MMS22L: variants seen among roughly 807,000 people sequenced by gnomAD.
MMS22L encodes MMS22 like, DNA repair protein.
Under a neutral mutation model 159.1 loss-of-function variants are expected in MMS22L, and 74 were observed. The ratio of observed to expected loss-of-function variants is 0.47; its 90% CI spans 0.39 to 0.56. The LOEUF (loss-of-function observed/expected upper bound fraction) is 0.56, where lower values mean the gene tolerates loss of function less well. MMS22L is among the 20% of genes least tolerant of loss of function. The probability of loss-of-function intolerance (pLI) is 0.00; values close to 1 mark genes in which losing one functional copy is unlikely to be tolerated. For missense variants in MMS22L, 1,351 were observed against 1,422.1 expected, an observed-to-expected ratio of 0.95 and a Z score of 0.80; for synonymous variants, 517 against 506.9, an observed-to-expected ratio of 1.02 and a Z score of -0.27.
At chr6:97,192,205 GATGGATGA>G (rs1192846984) in intron 14 of MMS22L, among the ~76,000 whole-genome samples, 7 of 98,454 alleles carry the variant, frequency 7.1e-5, no homozygotes, top group East Asian at 7.1e-4. Context: ...TGGATGGATG[GATGGATGA>G]ATGAATGAAT....
At chr6:97,260,529 G>A (rs1582824759) in intron 9 of MMS22L, 2 of 151,988 alleles carry the variant, frequency 1.3e-5, no homozygotes, top group South Asian at 4.2e-4. Context: ...TCCATCCCCG[G>A]TTTTCTGTCC....
chr6:97,209,978 A>G (rs1808203377), intron 14 of MMS22L, among the ~76,000 whole-genome samples: 1 of 151,934 alleles, frequency 6.6e-6, no homozygotes, highest in Non-Finnish European at 1.5e-5. Flanking sequence ...TAAAGAGAAA[A>G]GCAAATTTGC....
At position 97,280,119 on chromosome 6, in the gene MMS22L, G is replaced by A. The variant is rs552831698; in HGVS notation, c.290+1118C>T. Among the ~76,000 whole-genome samples the A allele has an allele frequency of 1.1e-4, 17 of 152,244 alleles. 1 individual carries two copies. In the East Asian group the frequency reaches 2.1e-3, roughly 19 times the overall value. On this transcript the variant is annotated intron_variant, in intron 3 of 24. Transcript: ENST00000683635. ...CTATCAATAAAACGTATGACATGGCGTAGATACAGTTTAAGTCTCTTCAAA... is the reference window on the plus strand; with the variant it reads ...CTATCAATAAAACGTATGACATGGCATAGATACAGTTTAAGTCTCTTCAAA...
intron 4 of MMS22L, among the ~76,000 whole-genome samples, chr6:97,276,420 C>T (rs1816249329): frequency 6.7e-6 from 1 of 148,318 alleles, no homozygotes; most frequent in East Asian, 2.1e-4. Context: ...TCCATGAACC[C>T]AATTTACTTA....
chr6:97,221,891 CCAGTTT>C (rs1174248013), intron 14 of MMS22L, among the ~76,000 whole-genome samples: 3 of 152,034 alleles, frequency 2.0e-5, no homozygotes, highest in Non-Finnish European at 4.4e-5. Context: ...AAAATTCTAT[CCAGTTT>C]CAAATTTGTT....
chr6:97,275,880 G>A (rs1466227062), intron 4 of MMS22L, among the ~76,000 whole-genome samples: 1 of 152,078 alleles, frequency 6.6e-6, no homozygotes, highest in African/African-American at 2.4e-5. Context: ...GCGTGAGCCT[G>A]TAGTCTCAGC....
intron 14 of MMS22L, among the ~76,000 whole-genome samples, chr6:97,228,072 T>G (rs1810445313): frequency 6.6e-6 from 1 of 152,188 alleles, no homozygotes; most frequent in African/African-American, 2.4e-5. Context: ...GCTGCAAAAA[T>G]TTAAAGAAAG....
At chr6:97,202,240 C>T (rs1807252637) in intron 14 of MMS22L, among the ~76,000 whole-genome samples, 2 of 152,104 alleles carry the variant, frequency 1.3e-5, no homozygotes, top group African/African-American at 2.4e-5. Context: ...TCAGGCCTTC[C>T]TAGGAATTTT....
chr6:97,242,568 A>G (rs924464935), intron 11 of MMS22L, among the ~76,000 whole-genome samples: 4 of 152,166 alleles, frequency 2.6e-5, no homozygotes, highest in African/African-American at 9.7e-5. Context: ...TTCAAGTGAC[A>G]CATTTAGGTC....
At chr6:97,182,755 A>C (rs954771999) in intron 15 of MMS22L, among the ~76,000 whole-genome samples, 1 of 151,896 alleles carries the variant, frequency 6.6e-6, no homozygotes, top group Non-Finnish European at 1.5e-5. Context: ...GGGTGAGATT[A>C]CTCCTTGGTC....
At chr6:97,250,257 C>T (rs1411016412) in intron 10 of MMS22L, among the ~76,000 whole-genome samples, 2 of 152,128 alleles carry the variant, frequency 1.3e-5, no homozygotes, top group East Asian at 1.9e-4. Flanking sequence ...CCCATTTAAA[C>T]GTTAGTATAG....
intron 10 of MMS22L, among the ~76,000 whole-genome samples, chr6:97,252,260 G>A (rs1216705563): frequency 2.6e-5 from 4 of 151,948 alleles, no homozygotes; most frequent in African/African-American, 4.8e-5. Flanking sequence ...AATATACTAC[G>A]CACTCAAAAA....
Position 97,165,267 on chromosome 6 carries a change from T to C in MMS22L, c.3200A>G (p.Lys1067Arg). The change falls in exon 21 of 25, where the codon AAA becomes AGA. Residue 1067 changes from lysine (K) to arginine (R), a missense_variant. Coordinates refer to ENST00000683635, the MANE Select transcript of MMS22L (RefSeq NM_001350599.2). ...GTACCTTATGACTTGCACAATGCAT[T>C]TCTTTAGAGATGATATTGGTGGAAT... Reference protein sequence around the residue: ...ATIPPISSLKKCIVQVIRKSY... With the variant: ...ATIPPISSLKRCIVQVIRKSY... 1 of 1,612,956 alleles carries C rather than the reference T, an allele frequency of 6.2e-7. No homozygotes were observed. The highest frequency in any genetic ancestry group is 8.5e-7 in the Non-Finnish European group (1 of 1,179,318).
At chr6:97,243,869 G>A (rs1404027455) in intron 11 of MMS22L, among the ~76,000 whole-genome samples, 1 of 152,026 alleles carries the variant, frequency 6.6e-6, no homozygotes, top group Non-Finnish European at 1.5e-5. Flanking sequence ...CTGGGGTCTG[G>A]GCTGGTACTG....
chr6:97,162,880 T>G lies in MMS22L; in HGVS notation c.3222-715A>C, dbSNP rs574619818. ...TAAGTGAATAAATAAAAGTTGGAAT[T>G]GCTTAGTTTCTACAAATGTCTAGAC... On this transcript the variant is annotated intron_variant, in intron 21 of 24. Transcript: ENST00000683635. 3.3e-5 allele frequency among the ~76,000 whole-genome samples: 5 copies of G among 152,008 alleles called. No homozygotes were observed. In the South Asian group the frequency reaches 1.0e-3, roughly 31 times the overall value.
chr6:97,209,793 C>A (rs892545476), intron 14 of MMS22L, among the ~76,000 whole-genome samples: 14 of 151,816 alleles, frequency 9.2e-5, no homozygotes, highest in Admixed American at 4.6e-4. Flanking sequence ...TAAATTGATG[C>A]TTAAGAAAAG....
At chr6:97,232,810 A>G (rs181809119) in intron 12 of MMS22L, among the ~76,000 whole-genome samples, 1 of 152,200 alleles carries the variant, frequency 6.6e-6, no homozygotes, top group African/African-American at 2.4e-5. Flanking sequence ...TTACTTGTAA[A>G]TCTTCCATTA....
At chr6:97,270,058 G>A in intron 6 of MMS22L, 66 bp from the exon 7 acceptor site, 1 of 1,200,152 alleles carries the variant, frequency 8.3e-7, no homozygotes, top group Non-Finnish European at 1.2e-6. Context: ...TTCATAGCAT[G>A]TCACAATACT....
intron 10 of MMS22L, among the ~76,000 whole-genome samples, chr6:97,248,964 G>A (rs1029228474): frequency 6.6e-6 from 1 of 152,054 alleles, no homozygotes; most frequent in Admixed American, 6.5e-5. Context: ...GGGTCCTATG[G>A]TCATACTGGA....
Sources: allele counts gnomAD v4.1 joint callset (sites outside exome capture counted in the v4.1 genomes callset), GRCh38; gene constraint gnomAD v4.1.1; transcripts MANE v1.5; gene names NCBI Gene and HGNC (gene_info 2026-07-23, HGNC 2026-07-21).